MAP3K11: variants seen among roughly 807,000 people sequenced by gnomAD.
The protein encoded by MAP3K11 is mitogen-activated protein kinase kinase kinase 11.
Under a neutral mutation model 84.9 loss-of-function variants are expected in MAP3K11, and 46 were observed. That is an observed-to-expected ratio of 0.54 (90% CI 0.43 to 0.69). The LOEUF (loss-of-function observed/expected upper bound fraction) is 0.69. Ranked by LOEUF, MAP3K11 falls within the 30% of genes least tolerant of loss-of-function variation. The pLI, the probability that MAP3K11 is intolerant of heterozygous loss-of-function variation, is 0.00. For missense variants in MAP3K11, 1,053 were observed against 1,198.3 expected, an observed-to-expected ratio of 0.88 and a Z score of 1.79; for synonymous variants, 527 against 514.7, an observed-to-expected ratio of 1.02 and a Z score of -0.32.
intron 8 of MAP3K11, among the ~76,000 whole-genome samples, chr11:65,600,603 C>T (rs868050163): frequency 1.2e-4 from 18 of 152,218 alleles, no homozygotes; most frequent in Admixed American, 3.3e-4. Flanking sequence ...TAGGGTTGGC[C>T]TGACTCCATT....
Position 65,598,377 on chromosome 11 carries a change from G to A in MAP3K11, c.2458C>T (p.Pro820Ser). 2 of 1,555,904 alleles carry A rather than the reference G, an allele frequency of 1.3e-6. No individual in the cohort carries two copies. The highest frequency in any genetic ancestry group is 1.2e-5 in the South Asian group (1 of 82,032). ...CAGTCCTGGGGGCCCCCCTGGAAGG[G>A]GTTGGCAGGTGGGGAGTCCCAGAAG... Reference protein sequence around the residue: ...DPFWDSPPANPFQGGPQDCRA... With the variant: ...DPFWDSPPANSFQGGPQDCRA... The change falls in exon 10 of 10, where the codon CCC becomes TCC. Residue 820 changes from proline (P) to serine (S), a missense_variant. This residue lies in a region of MAP3K11 where 583 missense variants were observed against 566.6 expected (regional missense o/e 1.03). Coordinates refer to ENST00000309100, the MANE Select transcript of MAP3K11 (RefSeq NM_002419.4).
Position 65,607,255 on chromosome 11 carries a change from G to T in MAP3K11, c.1489+15C>A. 6.7e-7 allele frequency: 1 copy of T among 1,482,752 alleles called. No individual in the cohort carries two copies. Among genetic ancestry groups the T allele is most frequent in the South Asian group, 1.3e-5 (1 of 77,748 alleles). The allele number at this position is 1,482,752 out of a possible 1,614,324, so 91.8% of individuals were successfully genotyped here. On this transcript the variant is annotated intron_variant, in intron 5 of 9. Transcript: ENST00000309100. ...GCAGCCAATGGCGGGGGACGCCCCG[G>T]GGCCCGGCCCTCACCGAGTGGCATG...
intron 6 of MAP3K11, 74 bp from the exon 7 acceptor site, chr11:65,606,155 A>T: frequency 6.9e-7 from 1 of 1,450,652 alleles, no homozygotes; most frequent in Non-Finnish European, 9.1e-7. Context: ...TTCAGAGATA[A>T]ACTTTAGAGT....
At chr11:65,607,014 G>A (rs1477488353) in intron 5 of MAP3K11, 10 of 601,348 alleles carry the variant, frequency 1.7e-5, no homozygotes, top group South Asian at 4.6e-5. Context: ...GGCGCCGGCC[G>A]GCCCCGCCCA....
chr11:65,609,567 G>A (rs758655505), intron 1 of MAP3K11: 2 of 152,234 alleles, frequency 1.3e-5, no homozygotes, highest in South Asian at 2.1e-4. Context: ...AGAAGTTTTC[G>A]AGGAATAGAA....
chr11:65,599,792 G>A (rs1319430485), intron 8 of MAP3K11, 24 bp from the exon 9 acceptor site: 17 of 1,589,808 alleles, frequency 1.1e-5, no homozygotes, highest in Non-Finnish European at 1.4e-5. Context: ...CGGCACAGGT[G>A]AGGGTGTGGC....
At position 65,607,233 on chromosome 11, in the gene MAP3K11, G is replaced by C. The variant is rs914779243; in HGVS notation, c.1489+37C>G. ...GCCTGGCTCCACCCCCACCCCCGCAGCCAATGGCGGGGGACGCCCCGGGGC... is the reference window on the plus strand; with the variant it reads ...GCCTGGCTCCACCCCCACCCCCGCACCCAATGGCGGGGGACGCCCCGGGGC... On this transcript the variant is annotated intron_variant, in intron 5 of 9. Coordinates refer to ENST00000309100, the MANE Select transcript of MAP3K11 (RefSeq NM_002419.4). 2 of 1,451,492 alleles carry C rather than the reference G, an allele frequency of 1.4e-6. No individual in the cohort carries two copies. The highest frequency in any genetic ancestry group is 3.0e-5 in the African/African-American group (2 of 67,078). The allele number at this position is 1,451,492 out of a possible 1,614,324, so 89.9% of individuals were successfully genotyped here.
At position 65,607,058 on chromosome 11, in the gene MAP3K11, C is replaced by A. The variant is rs987171982; in HGVS notation, c.1489+212G>T. The A allele has an allele frequency of 4.5e-5, 34 of 758,608 alleles. No individual in the cohort carries two copies. In the South Asian group the frequency reaches 5.9e-4, roughly 13 times the overall value. The allele number at this position is 758,608 out of a possible 1,614,324, so 47.0% of individuals were successfully genotyped here. On this transcript the variant is annotated intron_variant, in intron 5 of 9. Coordinates refer to ENST00000309100, the MANE Select transcript of MAP3K11 (RefSeq NM_002419.4). Reference sequence around the variant, plus strand: ...TCCCAGAACTTTCGTGAACCCCACCCCTTCCCACTCCCAGACCGACATGCA... The same window carrying A: ...TCCCAGAACTTTCGTGAACCCCACCACTTCCCACTCCCAGACCGACATGCA...
At position 65,598,588 on chromosome 11, in the gene MAP3K11, A is replaced by G. The variant is rs949715854; in HGVS notation, c.2247T>C (p.Ala749=). 4 of 1,584,430 alleles carry G rather than the reference A, an allele frequency of 2.5e-6. No homozygotes were observed. The African/African-American group carries it at 4.0e-5, about 16-fold the overall frequency. ...VSPPPGTSRS[A]PGTPGTPRSP... is the part of the protein sequence containing the mutation. The stretch of plus-strand genomic sequence containing the variant: ...AACGTGGGGTGCCTGGGGTGCCAGG[A>G]GCAGAGCGTGATGTCCCCGGTGGGG... The change falls in exon 10 of 10, where the codon GCT becomes GCC. Residue 749 remains alanine, a synonymous_variant. Transcript: ENST00000309100.
intron 4 of MAP3K11, 24 bp downstream of exon 4, chr11:65,607,617 G>A (rs752424509): frequency 6.3e-7 from 1 of 1,588,074 alleles, no homozygotes; most frequent in South Asian, 1.1e-5. Context: ...TCGTTCCAAC[G>A]CTGGGTCCCT....
At chr11:65,608,555 G>A in intron 1 of MAP3K11, 107 bp from the exon 2 acceptor site, 2 of 919,324 alleles carry the variant, frequency 2.2e-6, no homozygotes, top group Non-Finnish European at 3.4e-6. Flanking sequence ...GGTCCTGGGG[G>A]CACAGAGGTG....
chr11:65,612,776 T>G (rs1163395241), intron 1 of MAP3K11: 1 of 404,958 alleles, frequency 2.5e-6, no homozygotes, highest in East Asian at 3.7e-5. Flanking sequence ...ATTTCTTAAC[T>G]TGTCCAAACC....
Position 65,598,117 on chromosome 11 carries a change from G to A in MAP3K11, c.*174C>T. On this transcript the variant is annotated 3_prime_UTR_variant, in exon 10 of 10. Coordinates refer to ENST00000309100, the MANE Select transcript of MAP3K11 (RefSeq NM_002419.4). ...TACAGGTTTCAGATGTGGGGGCGCAGGTCCCCCTTCCAGTGTGAAGGCTTC... is the reference window on the plus strand; with the variant it reads ...TACAGGTTTCAGATGTGGGGGCGCAAGTCCCCCTTCCAGTGTGAAGGCTTC... 2 of 449,544 alleles carry A rather than the reference G, an allele frequency of 4.4e-6. No individual in the cohort carries two copies. Among genetic ancestry groups the A allele is most frequent in the Non-Finnish European group, 7.5e-6 (2 of 265,930 alleles). The allele number at this position is 449,544 out of a possible 1,614,324, so 27.8% of individuals were successfully genotyped here.
Position 65,599,687 on chromosome 11 carries a change from G to T in MAP3K11, c.1913C>A (p.Pro638His). The T allele has an allele frequency of 6.4e-7, 1 of 1,565,490 alleles. No homozygotes were observed. Among genetic ancestry groups the T allele is most frequent in the Non-Finnish European group, 8.6e-7 (1 of 1,162,256 alleles). ...CAGCAGCGCCCGCTGGATCAGCTTG[G>T]GCGTCCCAGAGCTGCTACCGCGCTC... ...PAERGSSSGT[P>H]KLIQRALLRG... The change falls in exon 9 of 10, where the codon CCC becomes CAC. Residue 638 changes from proline (P) to histidine (H), a missense_variant. By Grantham distance (77) the Pro-to-His change is moderately conservative (BLOSUM62 -2). This residue lies in a region of MAP3K11 where 583 missense variants were observed against 566.6 expected (regional missense o/e 1.03). Coordinates refer to ENST00000309100, the MANE Select transcript of MAP3K11 (RefSeq NM_002419.4).
intron 1 of MAP3K11, chr11:65,609,122 G>C (rs532939617): frequency 2.0e-5 from 3 of 152,346 alleles, no homozygotes; most frequent in African/African-American, 7.2e-5. Context: ...AACTGGCAAG[G>C]TGGCAGCTCT....
chr11:65,599,178 C>T (rs1025583592), intron 9 of MAP3K11, among the ~76,000 whole-genome samples: 1 of 152,180 alleles, frequency 6.6e-6, no homozygotes, highest in Non-Finnish European at 1.5e-5. Flanking sequence ...TTTTATTTCA[C>T]AGCAGGCATC....
chr11:65,598,275 G>T lies in MAP3K11; in HGVS notation c.*16C>A, dbSNP rs867584581. On this transcript the variant is annotated 3_prime_UTR_variant, in exon 10 of 10. Transcript: ENST00000309100. ...CTCCTAAGGCAGCTGGAGCTCGGGGGAGTGGCCTGGCCCACTCAAGGCCCC... is the reference window on the plus strand; with the variant it reads ...CTCCTAAGGCAGCTGGAGCTCGGGGTAGTGGCCTGGCCCACTCAAGGCCCC... The T allele has an allele frequency of 1.4e-6, 2 of 1,439,240 alleles. No homozygotes were observed. The highest frequency in any genetic ancestry group is 4.6e-4 in the Middle Eastern group (2 of 4,350). The allele number at this position is 1,439,240 out of a possible 1,614,324, so 89.2% of individuals were successfully genotyped here.
In MAP3K11 at chr11:65,605,671, C is replaced by T. The variant is rs1393429904; in HGVS notation, c.1831+90G>A. Reference sequence around the variant, plus strand: ...GAATGAGAGCAACCAGGGCAGGACTCCTGCTTTGCCTACTAGCCTATTGTG... The same window carrying T: ...GAATGAGAGCAACCAGGGCAGGACTTCTGCTTTGCCTACTAGCCTATTGTG... On this transcript the variant is annotated intron_variant, in intron 8 of 9. Transcript: ENST00000309100. 3 of 901,848 alleles carry T rather than the reference C, an allele frequency of 3.3e-6. No homozygotes were observed. The African/African-American group carries it at 5.1e-5, about 15-fold the overall frequency. 55.9% of individuals were successfully genotyped at this position (901,848 alleles called of 1,614,324 possible). A position where few individuals can be genotyped will look rare whatever the true frequency, so the allele number is the denominator to read the frequency against.
chr11:65,603,316 T>C (rs1221192541), intron 8 of MAP3K11, among the ~76,000 whole-genome samples: 1 of 152,250 alleles, frequency 6.6e-6, no homozygotes, highest in Admixed American at 6.5e-5. Flanking sequence ...AGGAGAAAGC[T>C]GCGTGACTAT....
Sources: allele counts gnomAD v4.1 joint callset (sites outside exome capture counted in the v4.1 genomes callset), GRCh38; gene constraint gnomAD v4.1.1; regional missense constraint gnomAD v4.1.1; transcripts MANE v1.5; gene names NCBI Gene and HGNC (gene_info 2026-07-23, HGNC 2026-07-21).